Variants in RGMA observed in about 807,000 individuals in gnomAD.
RGMA encodes the protein repulsive guidance molecule BMP co-receptor a.
RGMA carries 10 observed loss-of-function variants against 23.2 expected under a neutral mutation model. The ratio of observed to expected loss-of-function variants is 0.43; its 90% CI spans 0.27 to 0.73. The LOEUF (loss-of-function observed/expected upper bound fraction) is 0.73. RGMA is among the 30% of genes least tolerant of loss of function. The pLI, the probability that RGMA is intolerant of heterozygous loss-of-function variation, is 0.20. For synonymous variants in RGMA, 308 were observed against 279.3 expected, an observed-to-expected ratio of 1.10 and a Z score of -1.03; for missense variants, 547 against 630.5, an observed-to-expected ratio of 0.87 and a Z score of 1.42.
At chr15:93,073,762 C>T (rs1435282525) in intron 1 of RGMA, 5 of 1,537,024 alleles carry the variant, frequency 3.3e-6, no homozygotes, top group Admixed American at 3.9e-5. Context: ...CCCATCCTGA[C>T]TGGGTTTGGC....
rs550899174 is a variant in RGMA, at chr15:93,041,467, G to A, written c.*3531C>T. On this transcript the variant is annotated 3_prime_UTR_variant, in exon 4 of 4. Coordinates refer to ENST00000329082, the MANE Select transcript of RGMA (RefSeq NM_020211.3). Reference sequence around the variant, plus strand: ...TATTCACGACGGCATTTCCATGCTCGTGAGGGCAACCAGTAGTAAGTAGCA... The same window carrying A: ...TATTCACGACGGCATTTCCATGCTCATGAGGGCAACCAGTAGTAAGTAGCA... 2 of 152,306 alleles carry A rather than the reference G, an allele frequency of 1.3e-5. No homozygotes were observed. The highest frequency in any genetic ancestry group is 2.9e-5 in the Non-Finnish European group (2 of 68,034). The allele number at this position is 152,306 out of a possible 1,614,324, so 9.4% of individuals were successfully genotyped here.
At position 93,073,189 on chromosome 15, in the gene RGMA, C is replaced by T. The variant is rs1895396693; in HGVS notation, c.15-158G>A. On this transcript the variant is annotated intron_variant, in intron 1 of 3. Transcript: ENST00000329082. ...TTCCCGCGCCGCCCCCCGCGCGCCC[C>T]TCCCTCGCCATCCATCACTCGGTTC... 13 of 1,222,764 alleles carry T rather than the reference C, an allele frequency of 1.1e-5. 1 individual carries two copies. The South Asian group carries it at 4.5e-4, about 42-fold the overall frequency. 75.7% of individuals were successfully genotyped at this position (1,222,764 alleles called of 1,614,324 possible). A position where few individuals can be genotyped will look rare whatever the true frequency, so the allele number is the denominator to read the frequency against.
chr15:93,055,790 C>A (rs1350769962), intron 2 of RGMA, among the ~76,000 whole-genome samples: 2 of 152,250 alleles, frequency 1.3e-5, no homozygotes, highest in Non-Finnish European at 2.9e-5. Context: ...CAGGGTCAGA[C>A]TGGTGCCCAG....
chr15:93,084,958 C>T lies in RGMA; in HGVS notation c.14+3961G>A, dbSNP rs187580498. On this transcript the variant is annotated intron_variant, in intron 1 of 3. Coordinates refer to ENST00000329082, the MANE Select transcript of RGMA (RefSeq NM_020211.3). ...GGGGTAGGTATATGTACGTTGCATG[C>T]TTCCACCTAATCTTGTTTAAAGACA... Among the ~76,000 whole-genome samples the T allele has an allele frequency of 2.0e-3, 302 of 152,184 alleles. 2 individuals are homozygous for T. Among genetic ancestry groups the T allele is most frequent in the Non-Finnish European group, 3.2e-3 (221 of 68,000 alleles).
chr15:93,068,311 A>G (rs1460955318), intron 2 of RGMA, among the ~76,000 whole-genome samples: 6 of 151,886 alleles, frequency 4.0e-5, no homozygotes, highest in African/African-American at 1.4e-4. Flanking sequence ...TTCTCTGCCC[A>G]GTTCTAGGCC....
rs1185571787 is a variant in RGMA at position 93,038,569 on chromosome 15, G to GTTTTTTT, written c.*6422_*6428dup. 0.095 allele frequency: 9,515 copies of GTTTTTTT among 99,792 alleles called. 1,315 individuals are homozygous for GTTTTTTT. Among genetic ancestry groups the GTTTTTTT allele is most frequent in the Middle Eastern group, 0.15 (21 of 140 alleles). The allele number at this position is 99,792 out of a possible 1,614,324, so 6.2% of individuals were successfully genotyped here. A position where few individuals can be genotyped will look rare whatever the true frequency, so the allele number is the denominator to read the frequency against. ...GCCTTAATGAACGAAACTGTTAGTT[G>GTTTTTTT]TTTTTTTTTTTTTTTTGAGACGGTG... On this transcript the variant is annotated 3_prime_UTR_variant, in exon 4 of 4. Coordinates refer to ENST00000329082, the MANE Select transcript of RGMA (RefSeq NM_020211.3).
At chr15:93,074,477 C>G (rs1026284067) in intron 1 of RGMA, among the ~76,000 whole-genome samples, 2 of 152,212 alleles carry the variant, frequency 1.3e-5, no homozygotes, top group African/African-American at 4.8e-5. Flanking sequence ...CACAAGGGGA[C>G]CATACCTCAG....
At chr15:93,073,777 C>T in intron 1 of RGMA, 1 of 1,536,680 alleles carries the variant, frequency 6.5e-7, no homozygotes, top group Non-Finnish European at 8.7e-7. Flanking sequence ...TTTGGCCTGC[C>T]TCCAGCACCC....
Position 93,052,165 on chromosome 15 carries a change from G to C in RGMA, c.473C>G (p.Pro158Arg). The C allele has an allele frequency of 1.2e-6, 2 of 1,613,472 alleles. No homozygotes were observed. The highest frequency in any genetic ancestry group is 1.7e-5 in the Admixed American group (1 of 60,016). The change falls in exon 3 of 4, where the codon CCC becomes CGC. Residue 158 changes from proline to arginine, a missense_variant. By Grantham distance (103) the Pro-to-Arg change is moderately radical. Coordinates refer to ENST00000329082, the MANE Select transcript of RGMA (RefSeq NM_020211.3). ...GAAGAGGCCACAGTGCGTGTAGTTG[G>C]GGGTGGCCGAGTGCTTGTGAAAGCT... ...EKSFHKHSAT[P>R]NYTHCGLFGD... is the part of the protein sequence containing the mutation.
chr15:93,050,616 T>A (rs1295851091), intron 3 of RGMA, among the ~76,000 whole-genome samples: 1 of 152,034 alleles, frequency 6.6e-6, no homozygotes, highest in Non-Finnish European at 1.5e-5. Context: ...ATCACCCCCA[T>A]CCATAATGGG....
Position 93,045,660 on chromosome 15 carries a change from CCTT to C in RGMA, c.688_690del (p.Lys230del). 6.2e-7 allele frequency: 1 copy of C among 1,608,796 alleles called. No homozygotes were observed. The highest frequency in any genetic ancestry group is 8.5e-7 in the Non-Finnish European group (1 of 1,179,888). ...AGCTCGTCCATCTCAGCCTGGTACA[CCTT>C]CTGGTCCACACACTCCTGGAAGTTC... On this transcript the variant is annotated inframe_deletion, in exon 4 of 4. Transcript: ENST00000329082. The surrounding 1 kb of genome is among the most constrained non-coding windows in gnomAD (Gnocchi z 6.9).
intron 1 of RGMA, among the ~76,000 whole-genome samples, chr15:93,085,800 G>A (rs575460810): frequency 1.3e-5 from 2 of 152,296 alleles, no homozygotes; most frequent in African/African-American, 4.8e-5. Flanking sequence ...TGACCCCTGG[G>A]TTCTAACATG....
Position 93,041,170 on chromosome 15 carries a change from CTCAT to C in RGMA, c.*3824_*3827del. The C allele has an allele frequency of 6.7e-6, 1 of 148,486 alleles. No homozygotes were observed. The highest frequency in any genetic ancestry group is 1.5e-5 in the Non-Finnish European group (1 of 67,400). 9.2% of individuals were successfully genotyped at this position (148,486 alleles called of 1,614,324 possible). On this transcript the variant is annotated 3_prime_UTR_variant, in exon 4 of 4. Coordinates refer to ENST00000329082, the MANE Select transcript of RGMA (RefSeq NM_020211.3). Reference sequence around the variant, plus strand: ...CCCGTCTGCCCCCTTCATCGTGACTCTCATTCATTTGTTTTAAAGGCCATTTCTC... The same window carrying C: ...CCCGTCTGCCCCCTTCATCGTGACTCTCATTTGTTTTAAAGGCCATTTCTC...
chr15:93,068,496 G>A (rs898170127), intron 2 of RGMA, among the ~76,000 whole-genome samples: 1 of 152,160 alleles, frequency 6.6e-6, no homozygotes, highest in Admixed American at 6.5e-5. Context: ...CTGAGCGCTG[G>A]AGTGACTACT....
chr15:93,075,601 A>G (rs1895460518), intron 1 of RGMA, among the ~76,000 whole-genome samples: 3 of 151,936 alleles, frequency 2.0e-5, no homozygotes, highest in African/African-American at 7.3e-5. Flanking sequence ...TTCTTCTCGC[A>G]GCAGGACTTT....
rs745867469 is a variant in RGMA, at chr15:93,037,193, G to A, written c.*7805C>T. ...TACATTTCATCTTCAGGACCGCCACGTGAGGGAGGTGGCGTCATTGTTCCC... is the reference window on the plus strand; with the variant it reads ...TACATTTCATCTTCAGGACCGCCACATGAGGGAGGTGGCGTCATTGTTCCC... On this transcript the variant is annotated 3_prime_UTR_variant, in exon 4 of 4. Transcript: ENST00000329082. The surrounding 1 kb of genome is among the most constrained non-coding windows in gnomAD (Gnocchi z 4.3). 2.0e-5 allele frequency: 3 copies of A among 152,256 alleles called. No homozygotes were observed. The highest frequency in any genetic ancestry group is 6.5e-5 in the Admixed American group (1 of 15,288). The allele number at this position is 152,256 out of a possible 1,614,324, so 9.4% of individuals were successfully genotyped here.
Position 93,045,222 on chromosome 15 carries a change from C to A in RGMA, c.1129G>T (p.Ala377Ser). 1.9e-6 allele frequency: 3 copies of A among 1,612,588 alleles called. No individual in the cohort carries two copies. Among genetic ancestry groups the A allele is most frequent in the Non-Finnish European group, 2.5e-6 (3 of 1,179,488 alleles). The change falls in exon 4 of 4, where the codon GCC (alanine) becomes TCC (serine). Residue 377 changes from alanine to serine, a missense_variant. Physicochemically the swap from Ala to Ser is moderately conservative, Grantham distance 99 (BLOSUM62 1). Around this residue, in one of 3 missense-constraint regions of RGMA, gnomAD observed 205 missense variants for 204.1 expected, o/e 1.00. Coordinates refer to ENST00000329082, the MANE Select transcript of RGMA (RefSeq NM_020211.3). The surrounding 1 kb of genome is among the most constrained non-coding windows in gnomAD (Gnocchi z 6.9). ...KLPVEDLYYQ[A>S]CVFDLLTTGD... ...GTGGTGAGGAGGTCGAAGACGCAGG[C>A]CTGGTAGTACAGGTCCTCCACCGGC...
intron 1 of RGMA, among the ~76,000 whole-genome samples, chr15:93,079,391 A>G (rs1895522457): frequency 6.6e-6 from 1 of 152,216 alleles, no homozygotes; most frequent in African/African-American, 2.4e-5. Flanking sequence ...CTCCTTAAAG[A>G]ATGCTAATAG....
At chr15:93,073,601 G>GC in intron 1 of RGMA, 1 of 1,535,784 alleles carries the variant, frequency 6.5e-7, no homozygotes, top group Non-Finnish European at 8.7e-7. Context: ...TTCCACCGAC[G>GC]CCCCCTGGCT....
Sources: gnomAD v4.1 joint callset for allele counts (sites outside exome capture counted in the v4.1 genomes callset) on GRCh38, gnomAD v4.1.1 for gene constraint, gnomAD v4.1.1 regional missense constraint, Gnocchi (gnomAD v3.1) non-coding constraint, MANE v1.5 for transcripts, NCBI Gene and HGNC (gene_info 2026-07-23, HGNC 2026-07-21) for gene names.